Variants in WAC observed in about 807,000 individuals in gnomAD.
The protein encoded by WAC is WW domain containing adaptor with coiled-coil, also known as WW domain-containing adapter protein with coiled-coil.
A neutral mutation model predicts 79.6 loss-of-function variants in WAC; 11 were observed. That is an observed-to-expected ratio of 0.14 (90% CI 0.09 to 0.23). The LOEUF (loss-of-function observed/expected upper bound fraction) is 0.23, where lower values mean the gene tolerates loss of function less well. WAC is among the 10% of genes least tolerant of loss of function. WAC has a pLI of 1.00. For synonymous variants in WAC, 304 were observed against 276.9 expected, an observed-to-expected ratio of 1.10 and a Z score of -0.97; for missense variants, 728 against 773.5, an observed-to-expected ratio of 0.94 and a Z score of 0.70.
At chr10:28,539,951 A>G (rs1358718656) in intron 3 of WAC, among the ~76,000 whole-genome samples, 2 of 152,190 alleles carry the variant, frequency 1.3e-5, no homozygotes, top group African/African-American at 4.8e-5. Flanking sequence ...AAAAGTTACT[A>G]TTAACATTTT....
chr10:28,617,868 T>C, intron 13 of WAC, 84 bp downstream of exon 13: 1 of 1,423,732 alleles, frequency 7.0e-7, no homozygotes, highest in Non-Finnish European at 9.3e-7. Flanking sequence ...TCACATTTTA[T>C]TTATGAAATG....
intron 3 of WAC, among the ~76,000 whole-genome samples, chr10:28,544,164 T>C (rs1469694711): frequency 6.6e-6 from 1 of 152,234 alleles, no homozygotes; most frequent in Non-Finnish European, 1.5e-5. Context: ...ATTATAGGCA[T>C]GAGTCACTGA....
intron 3 of WAC, among the ~76,000 whole-genome samples, chr10:28,581,909 T>TA (rs1038416353): frequency 1.3e-5 from 2 of 152,218 alleles, no homozygotes; most frequent in African/African-American, 4.8e-5. Context: ...TGCTTCCTGT[T>TA]ATTTAAAAGG....
chr10:28,542,982 G>C (rs569998194), intron 3 of WAC, among the ~76,000 whole-genome samples: 2 of 152,280 alleles, frequency 1.3e-5, no homozygotes, highest in South Asian at 4.1e-4. Flanking sequence ...CTGTTACCTT[G>C]AATAGTGCCT....
chr10:28,616,257 T>C lies in WAC; in HGVS notation c.1641T>C (p.Ser547=). 1 of 1,614,078 alleles carries C rather than the reference T, an allele frequency of 6.2e-7. No individual in the cohort carries two copies. The highest frequency in any genetic ancestry group is 8.5e-7 in the Non-Finnish European group (1 of 1,179,966). The change falls in exon 12 of 14, where the codon TCT becomes TCC. Residue 547 remains serine (S), a synonymous_variant. Transcript: ENST00000354911. ...ATGCAACAGTTGTACCACAGAATTC[T>C]TCTGCCCGATCCACGTGTTCATTAA... is the stretch of plus-strand genomic sequence containing the variant. ...ASNATVVPQN[S]SARSTCSLTP...
intron 12 of WAC, 99 bp downstream of exon 12, chr10:28,616,461 T>C (rs1301539426): frequency 2.0e-6 from 2 of 981,904 alleles, no homozygotes; most frequent in Non-Finnish European, 2.8e-6. Context: ...ATTCAAGCAA[T>C]ATTTAAAATA....
At chr10:28,570,276 A>T (rs1177690826) in intron 3 of WAC, among the ~76,000 whole-genome samples, 1 of 152,210 alleles carries the variant, frequency 6.6e-6, no homozygotes, top group Non-Finnish European at 1.5e-5. Flanking sequence ...ACCAACTTTT[A>T]TTCTAAGTAT....
At chr10:28,591,341 G>A (rs1173636234) in intron 6 of WAC, 1 of 152,650 alleles carries the variant, frequency 6.6e-6, no homozygotes, top group Non-Finnish European at 1.5e-5. Context: ...AACATCTCTA[G>A]TTTGAATTTC....
At position 28,534,031 on chromosome 10, in the gene WAC, C is replaced by T. The variant is rs1283994025; in HGVS notation, c.75C>T (p.Tyr25=). 6.3e-7 allele frequency: 1 copy of T among 1,587,060 alleles called. No homozygotes were observed. Among genetic ancestry groups the T allele is most frequent in the South Asian group, 1.1e-5 (1 of 89,234 alleles). Residue 25 remains tyrosine, a synonymous_variant, in exon 2 of 14, where the codon TAC becomes TAT. Coordinates refer to ENST00000354911, the MANE Select transcript of WAC (RefSeq NM_016628.5). ...ACCGGAGGGGGGACTCGCAGCCTTA[C>T]CAGGTACCAGCCGAGGCCGGGGTGG... ...CHDRRGDSQP[Y]QALKYSSKSH...
chr10:28,541,415 GTTTTGTTTTTTT>G (rs1252606710), intron 3 of WAC, among the ~76,000 whole-genome samples: 25 of 37,890 alleles, frequency 6.6e-4, no homozygotes, highest in African/African-American at 2.8e-3. Flanking sequence ...GTGTGTGTGT[GTTTTGTTTTTTT>G]TTTTTTTTTT....
chr10:28,570,336 A>G (rs1289424668), intron 3 of WAC, among the ~76,000 whole-genome samples: 3 of 152,290 alleles, frequency 2.0e-5, no homozygotes, highest in Admixed American at 6.5e-5. Context: ...CTTTTTTGCT[A>G]TGCTTATAAT....
chr10:28,540,334 A>G (rs1836940645), intron 3 of WAC, among the ~76,000 whole-genome samples: 2 of 152,180 alleles, frequency 1.3e-5, no homozygotes, highest in African/African-American at 4.8e-5. Flanking sequence ...GAGATTAAAC[A>G]CTTGGGTATT....
chr10:28,601,847 T>A (rs1466853877), intron 7 of WAC, among the ~76,000 whole-genome samples: 4 of 152,134 alleles, frequency 2.6e-5, no homozygotes, highest in Admixed American at 1.3e-4. Flanking sequence ...ATGGTCAAAT[T>A]CATACAGACA....
intron 6 of WAC, among the ~76,000 whole-genome samples, chr10:28,592,323 C>T (rs1362704854): frequency 1.3e-5 from 2 of 152,070 alleles, no homozygotes; most frequent in African/African-American, 4.8e-5. Context: ...AGGGGATGCA[C>T]AGAAAATGAG....
intron 1 of WAC, 70 bp from the exon 2 acceptor site, chr10:28,533,928 C>T (rs903622963): frequency 3.8e-6 from 6 of 1,570,496 alleles, no homozygotes; most frequent in Admixed American, 3.5e-5. Flanking sequence ...GCGGGGGCCC[C>T]GTTTTCTTCC....
chr10:28,554,351 A>G (rs1265086902), intron 3 of WAC, among the ~76,000 whole-genome samples: 1 of 152,150 alleles, frequency 6.6e-6, no homozygotes, highest in Admixed American at 6.5e-5. Context: ...GTGAAAATGG[A>G]TTTTTTCAAA....
intron 9 of WAC, chr10:28,611,044 G>T: frequency 1.7e-6 from 1 of 589,070 alleles, no homozygotes; most frequent in Non-Finnish European, 2.8e-6. Flanking sequence ...TTAAGGTATT[G>T]CCATCAAATC....
At chr10:28,551,784 T>TTGTGTGTGTG (rs71769370) in intron 3 of WAC, among the ~76,000 whole-genome samples, 19,345 of 124,532 alleles carry the variant, frequency 0.16, 1,733 homozygotes, top group Admixed American at 0.22. Flanking sequence ...TCCTGTCTAC[T>TTGTGTGTGTG]TGTGTGTGTG....
chr10:28,580,293 A>G (rs1416977258), intron 3 of WAC, among the ~76,000 whole-genome samples: 4 of 152,228 alleles, frequency 2.6e-5, no homozygotes, highest in Non-Finnish European at 5.9e-5. Flanking sequence ...CTTTAGAGGT[A>G]TAATTAATTG....
Sources: allele counts gnomAD v4.1 joint callset (sites outside exome capture counted in the v4.1 genomes callset), GRCh38; gene constraint gnomAD v4.1.1; transcripts MANE v1.5; gene names NCBI Gene and HGNC (gene_info 2026-07-23, HGNC 2026-07-21).